ZDHHC20: variants seen among roughly 807,000 people sequenced by gnomAD.
ZDHHC20 encodes zDHHC palmitoyltransferase 20.
In ZDHHC20, 43 loss-of-function variants were observed where a neutral mutation model predicts 57.8. The observed-to-expected ratio is 0.74, with a 90% CI of 0.58 to 0.96. ZDHHC20 has a LOEUF of 0.96. ZDHHC20 is among the 40% of genes least tolerant of loss of function. The probability of loss-of-function intolerance (pLI) is 0.00; values close to 1 mark genes in which losing one functional copy is unlikely to be tolerated. For synonymous variants in ZDHHC20, 157 were observed against 153.0 expected, an observed-to-expected ratio of 1.03 and a Z score of -0.19; for missense variants, 391 against 441.1, an observed-to-expected ratio of 0.89 and a Z score of 1.02.
chr13:21,442,034 G>A (rs761737843), intron 1 of ZDHHC20, among the ~76,000 whole-genome samples: 3 of 151,976 alleles, frequency 2.0e-5, no homozygotes, highest in Non-Finnish European at 2.9e-5. Context: ...CATAAATTTT[G>A]TTTACGTTAG....
Position 21,387,557 on chromosome 13 carries a change from G to C in ZDHHC20, c.805C>G (p.Gln269Glu). 1.3e-6 allele frequency: 2 copies of C among 1,535,158 alleles called. No individual in the cohort carries two copies. Among genetic ancestry groups the C allele is most frequent in the East Asian group, 2.5e-5 (1 of 40,760 alleles). Residue 269 changes from glutamine to glutamate, a missense_variant, in exon 9 of 13, where the codon CAA (glutamine) becomes GAA (glutamate). By Grantham distance (29) the Gln-to-Glu change is conservative. This residue lies in a region of ZDHHC20 where 197 missense variants were observed against 220.8 expected (regional missense o/e 0.89). Coordinates refer to ENST00000400590, the MANE Select transcript of ZDHHC20 (RefSeq NM_001330059.2). Reference protein sequence around the residue: ...FSLGCSKNWRQVFGDEKKYWL... With the variant: ...FSLGCSKNWREVFGDEKKYWL... ...TATTTCTTTTCATCACCAAAGACTTGTCTCCAATTTTTACTGCATCCAAGA... is the reference window on the plus strand; with the variant it reads ...TATTTCTTTTCATCACCAAAGACTTCTCTCCAATTTTTACTGCATCCAAGA...
intron 8 of ZDHHC20, 23 bp from the exon 9 acceptor site, chr13:21,387,657 TA>T: frequency 1.5e-6 from 2 of 1,325,544 alleles, no homozygotes; most frequent in Non-Finnish European, 9.7e-7. Flanking sequence ...CATACATATA[TA>T]AACTAATTAA....
intron 7 of ZDHHC20, among the ~76,000 whole-genome samples, chr13:21,399,091 C>A (rs922087883): frequency 1.3e-5 from 2 of 151,934 alleles, no homozygotes; most frequent in Non-Finnish European, 2.9e-5. Context: ...ACTTGTAATC[C>A]CAGCACTTTG....
chr13:21,458,931 C>T, intron 1 of ZDHHC20, 123 bp downstream of exon 1: 1 of 671,638 alleles, frequency 1.5e-6, no homozygotes, highest in Non-Finnish European at 2.3e-6. Context: ...CGAGCGCGTT[C>T]GGGGCCGGAC....
At position 21,448,245 on chromosome 13, in the gene ZDHHC20, C is replaced by T. The variant is rs1345498253; in HGVS notation, c.118+10809G>A. Among the ~76,000 whole-genome samples the T allele has an allele frequency of 4.1e-5, 3 of 73,854 alleles. 1 individual carries two copies. Among genetic ancestry groups the T allele is most frequent in the African/African-American group, 1.3e-4 (3 of 22,494 alleles). 48.5% of individuals were successfully genotyped at this position (73,854 alleles called of 152,430 possible). On this transcript the variant is annotated intron_variant, in intron 1 of 12. Transcript: ENST00000400590. ...TGCCCCATCCGGGAGGTGAGGGGCG[C>T]CTCTGCCCGGCCGCCCCTACTGGGA...
chr13:21,413,631 A>G, intron 4 of ZDHHC20, 21 bp downstream of exon 4: 1 of 1,571,628 alleles, frequency 6.4e-7, no homozygotes, highest in Non-Finnish European at 8.6e-7. Flanking sequence ...TTTGAAAAGG[A>G]AAACTTATTC....
At position 21,373,920 on chromosome 13, in the gene ZDHHC20, C is replaced by A. The variant is rs1376243843; in HGVS notation, c.*2776G>T. 2 of 152,104 alleles carry A rather than the reference C, an allele frequency of 1.3e-5. No individual in the cohort carries two copies. The highest frequency in any genetic ancestry group is 2.9e-5 in the Non-Finnish European group (2 of 68,058). 9.4% of individuals were successfully genotyped at this position (152,104 alleles called of 1,614,324 possible). Reference sequence around the variant, plus strand: ...GCAAAATGCTGGCTGTAAATTAAATCAAAGATAAGTAATTCAAAGGCTTTA... The same window carrying A: ...GCAAAATGCTGGCTGTAAATTAAATAAAAGATAAGTAATTCAAAGGCTTTA... On this transcript the variant is annotated 3_prime_UTR_variant, in exon 13 of 13. Coordinates refer to ENST00000400590, the MANE Select transcript of ZDHHC20 (RefSeq NM_001330059.2).
At chr13:21,381,695 C>G in intron 10 of ZDHHC20, 146 bp from the exon 11 acceptor site, 1 of 623,108 alleles carries the variant, frequency 1.6e-6, no homozygotes. Flanking sequence ...AAACTATCTT[C>G]AAAATAAAAA....
At position 21,423,629 on chromosome 13, in the gene ZDHHC20, G is replaced by A. The variant is rs141010584; in HGVS notation, c.145+2023C>T. On this transcript the variant is annotated intron_variant, in intron 2 of 12. Transcript: ENST00000400590. ...GCAAATGTTGCAGTGAGCCGAGATC[G>A]TGCCACTGCACTCTAGCCTGAGCGA... Among the ~76,000 whole-genome samples the A allele has an allele frequency of 6.1e-3, 931 of 151,634 alleles. 7 individuals are homozygous for A. The highest frequency in any genetic ancestry group is 0.021 in the African/African-American group (868 of 41,356).
chr13:21,420,885 T>G (rs1451956099), intron 3 of ZDHHC20, among the ~76,000 whole-genome samples, 176 bp downstream of exon 3: 7 of 152,200 alleles, frequency 4.6e-5, no homozygotes, highest in African/African-American at 1.7e-4. Flanking sequence ...GCTGTGTCAG[T>G]GGACTGTATC....
At chr13:21,414,917 G>A (rs1358910681) in intron 3 of ZDHHC20, among the ~76,000 whole-genome samples, 9 of 151,652 alleles carry the variant, frequency 5.9e-5, no homozygotes, top group Non-Finnish European at 1.5e-5. Context: ...AATGGCTTGA[G>A]ATTTGTTCTT....
chr13:21,377,744 T>C (rs1016500309), intron 12 of ZDHHC20: 1 of 165,670 alleles, frequency 6.0e-6, no homozygotes, highest in Non-Finnish European at 1.3e-5. Flanking sequence ...AGGCTCCAGG[T>C]CCTCTGCAAG....
intron 1 of ZDHHC20, among the ~76,000 whole-genome samples, chr13:21,445,097 G>A (rs1236533919): frequency 6.6e-6 from 1 of 151,648 alleles, no homozygotes; most frequent in Non-Finnish European, 1.5e-5. Flanking sequence ...TTACATGTAT[G>A]TTTTATATAT....
intron 7 of ZDHHC20, among the ~76,000 whole-genome samples, chr13:21,395,256 C>T (rs1038499296): frequency 2.6e-5 from 4 of 151,436 alleles, no homozygotes; most frequent in African/African-American, 4.8e-5. Flanking sequence ...TTAGTAGATA[C>T]GGGGTTTCAC....
intron 6 of ZDHHC20, among the ~76,000 whole-genome samples, chr13:21,400,800 T>A (rs1039872518): frequency 6.6e-6 from 1 of 151,950 alleles, no homozygotes; most frequent in Non-Finnish European, 1.5e-5. Flanking sequence ...AACCTCTGCC[T>A]CCCAGGTTCA....
chr13:21,380,795 A>C (rs932804949), intron 11 of ZDHHC20, among the ~76,000 whole-genome samples: 2 of 151,758 alleles, frequency 1.3e-5, no homozygotes, highest in Non-Finnish European at 2.9e-5. Flanking sequence ...CATCTCAAAA[A>C]AAAAAAAAGA....
chr13:21,382,613 G>T (rs141743760), intron 10 of ZDHHC20, among the ~76,000 whole-genome samples: 169 of 152,136 alleles, frequency 1.1e-3, no homozygotes, highest in Middle Eastern at 3.4e-3. Flanking sequence ...ATCAAATCTT[G>T]AAAGGTCTTA....
At chr13:21,457,036 G>A (rs1408072110) in intron 1 of ZDHHC20, among the ~76,000 whole-genome samples, 1 of 152,196 alleles carries the variant, frequency 6.6e-6, no homozygotes, top group Admixed American at 6.5e-5. Context: ...TACCTATGCT[G>A]TGACATACTG....
chr13:21,383,781 C>T (rs1873914507), intron 9 of ZDHHC20, among the ~76,000 whole-genome samples: 1 of 152,026 alleles, frequency 6.6e-6, no homozygotes, highest in South Asian at 2.1e-4. Flanking sequence ...TTATTTTAAG[C>T]ACTACAGATA....
Sources: gnomAD v4.1 joint callset for allele counts (sites outside exome capture counted in the v4.1 genomes callset) on GRCh38, gnomAD v4.1.1 for gene constraint, gnomAD v4.1.1 regional missense constraint, MANE v1.5 for transcripts, NCBI Gene and HGNC (gene_info 2026-07-23, HGNC 2026-07-21) for gene names.